The following XKR6 variants were observed in gnomAD, a reference collection of about 807,000 sequenced individuals.
XKR6 encodes the protein XK related 6.
In XKR6, 22 loss-of-function variants were observed where a neutral mutation model predicts 56.7. The ratio of observed to expected loss-of-function variants is 0.39; its 90% CI spans 0.28 to 0.55. XKR6 has a LOEUF of 0.55. XKR6 is among the 20% of genes least tolerant of loss of function. The pLI, the probability that XKR6 is intolerant of heterozygous loss-of-function variation, is 0.66. For missense variants in XKR6, 852 were observed against 889.0 expected (o/e 0.96, Z 0.53); for synonymous variants, 524 against 387.8 (o/e 1.35, Z -4.13).
At chr8:11,158,962 G>A (rs1249274967) in intron 1 of XKR6, among the ~76,000 whole-genome samples, 2 of 152,218 alleles carry the variant, frequency 1.3e-5, no homozygotes, top group Admixed American at 6.5e-5. Flanking sequence ...CCGGCACTCA[G>A]TAGGACACGT....
chr8:11,005,842 C>CTTTTTTTTT (rs56880407), intron 1 of XKR6, among the ~76,000 whole-genome samples: 47 of 121,322 alleles, frequency 3.9e-4, no homozygotes, highest in Non-Finnish European at 5.1e-4. Flanking sequence ...TTCTTTCTTT[C>CTTTTTTTTT]TTTTTTTTTT....
chr8:11,075,637 C>T lies in XKR6; in HGVS notation c.764+124939G>A, dbSNP rs531934924. ...CGGTAGCTCACATCTGTAATCCCAG[C>T]ACTTTGGGAGGCTGAGGTGGGTGGA... On this transcript the variant is annotated intron_variant, in intron 1 of 2. Transcript: ENST00000416569. Among the ~76,000 whole-genome samples, 17 of 152,270 alleles carry T rather than the reference C, an allele frequency of 1.1e-4. 1 individual carries two copies. In the South Asian group the frequency reaches 3.5e-3, roughly 32 times the overall value.
At chr8:11,080,678 C>T (rs149982886) in intron 1 of XKR6, among the ~76,000 whole-genome samples, 5 of 152,300 alleles carry the variant, frequency 3.3e-5, no homozygotes, top group East Asian at 3.9e-4. Context: ...CACTGGCTTA[C>T]GCTAGGAAAT....
At chr8:11,011,310 G>A (rs1798494114) in intron 1 of XKR6, among the ~76,000 whole-genome samples, 1 of 152,182 alleles carries the variant, frequency 6.6e-6, no homozygotes, top group Non-Finnish European at 1.5e-5. Flanking sequence ...AGCCCTTCTT[G>A]GGGTGGCCAG....
At chr8:11,042,341 C>A (rs1274977482) in intron 1 of XKR6, among the ~76,000 whole-genome samples, 2 of 152,080 alleles carry the variant, frequency 1.3e-5, no homozygotes, top group South Asian at 4.2e-4. Flanking sequence ...CTCCCATAAT[C>A]CCCACATGTC....
At chr8:11,144,862 G>T (rs1400628591) in intron 1 of XKR6, among the ~76,000 whole-genome samples, 2 of 148,088 alleles carry the variant, frequency 1.4e-5, no homozygotes, top group Admixed American at 1.3e-4. Flanking sequence ...GAAGGGAGGG[G>T]TAGGGAGGGG....
chr8:11,039,027 C>T lies in XKR6; in HGVS notation c.765-114197G>A, dbSNP rs185690283. On this transcript the variant is annotated intron_variant, in intron 1 of 2. Transcript: ENST00000416569. ...GGGCGGGTGGGCACTGAGACCCTGC[C>T]ACTCAGAGCTTATGGTCCCCAGAGA... Among the ~76,000 whole-genome samples the T allele has an allele frequency of 1.6e-4, 24 of 152,224 alleles. No individual in the cohort carries two copies. In the East Asian group the frequency reaches 4.3e-3, roughly 27 times the overall value.
chr8:11,137,693 G>T (rs1467381406), intron 1 of XKR6: 2 of 456,264 alleles, frequency 4.4e-6, no homozygotes, highest in Non-Finnish European at 8.8e-6. Context: ...CGGAGAGTCT[G>T]CTGAAGAAGC....
At chr8:10,994,948 C>A (rs1798076533) in intron 1 of XKR6, among the ~76,000 whole-genome samples, 1 of 152,170 alleles carries the variant, frequency 6.6e-6, no homozygotes, top group Non-Finnish European at 1.5e-5. Context: ...CTTCCAGTGT[C>A]ACAAGTCCCA....
At chr8:11,133,128 G>C (rs1029732945) in intron 1 of XKR6, among the ~76,000 whole-genome samples, 12 of 152,152 alleles carry the variant, frequency 7.9e-5, no homozygotes, top group Non-Finnish European at 1.5e-5. Context: ...GCATACAAGG[G>C]AGAGGGTGTG....
intron 1 of XKR6, among the ~76,000 whole-genome samples, chr8:11,093,781 A>AT (rs149174329): frequency 5.3e-5 from 8 of 151,572 alleles, no homozygotes; most frequent in African/African-American, 9.7e-5. Flanking sequence ...ACATTATGTA[A>AT]TTTTTTTTGT....
chr8:11,087,957 A>T (rs1487260113), intron 1 of XKR6, among the ~76,000 whole-genome samples: 3 of 152,264 alleles, frequency 2.0e-5, no homozygotes, highest in Non-Finnish European at 1.5e-5. Context: ...AGGAAAAGCC[A>T]TTAAAACAAA....
chr8:11,027,368 T>G (rs552941452), intron 1 of XKR6, among the ~76,000 whole-genome samples: 25 of 152,350 alleles, frequency 1.6e-4, no homozygotes, highest in African/African-American at 5.3e-4. Context: ...ATCTTACTTC[T>G]TTTTACTTTT....
chr8:10,992,896 C>A (rs2129140799), intron 1 of XKR6, among the ~76,000 whole-genome samples: 1 of 152,308 alleles, frequency 6.6e-6, no homozygotes, highest in Middle Eastern at 3.4e-3. Flanking sequence ...ATGGTGCTAA[C>A]CAACCACCAC....
intron 1 of XKR6, among the ~76,000 whole-genome samples, chr8:11,012,474 G>C (rs746939390): frequency 3.3e-5 from 5 of 152,206 alleles, no homozygotes; most frequent in Non-Finnish European, 7.3e-5. Context: ...ATCATTGTGA[G>C]TGTAGTTGTT....
intron 1 of XKR6, chr8:11,129,132 A>T (rs1586586747): frequency 2.7e-6 from 1 of 365,306 alleles, no homozygotes; most frequent in East Asian, 7.3e-5. Flanking sequence ...ATGATGAATA[A>T]AGGAGTTTCT....
At chr8:10,899,414 C>T (rs1357863255) in intron 2 of XKR6, among the ~76,000 whole-genome samples, 2 of 152,234 alleles carry the variant, frequency 1.3e-5, no homozygotes, top group African/African-American at 4.8e-5. Context: ...TGGAATCATG[C>T]TTCTGCCTTT....
At chr8:11,147,410 A>G (rs1476197025) in intron 1 of XKR6, among the ~76,000 whole-genome samples, 2 of 152,224 alleles carry the variant, frequency 1.3e-5, no homozygotes, top group African/African-American at 4.8e-5. Context: ...TCACGCCTGT[A>G]ATCCCAGCAC....
chr8:11,153,183 G>C (rs763116275), intron 1 of XKR6, among the ~76,000 whole-genome samples: 3 of 152,172 alleles, frequency 2.0e-5, no homozygotes, highest in Non-Finnish European at 4.4e-5. Flanking sequence ...CAGAAGAAAA[G>C]CTACGTGAAG....
Sources: allele counts gnomAD v4.1 joint callset (sites outside exome capture counted in the v4.1 genomes callset), GRCh38; gene constraint gnomAD v4.1.1; transcripts MANE v1.5; gene names NCBI Gene and HGNC (gene_info 2026-07-23, HGNC 2026-07-21).